RIMKLB: variants seen among roughly 807,000 people sequenced by gnomAD.
RIMKLB encodes ribosomal modification protein rimK like family member B, also known as beta-citrylglutamate synthase B.
Under a neutral mutation model 32.0 loss-of-function variants are expected in RIMKLB, and 7 were observed. The ratio of observed to expected loss-of-function variants is 0.22; its 90% confidence interval spans 0.12 to 0.41. The LOEUF (loss-of-function observed/expected upper bound fraction) is 0.41, where lower values mean the gene tolerates loss of function less well. Ranked by LOEUF, RIMKLB falls within the 10% of genes least tolerant of loss-of-function variation. The pLI, the probability that RIMKLB is intolerant of heterozygous loss-of-function variation, is 1.00. For missense variants in RIMKLB, 289 were observed against 498.7 expected (o/e 0.58, Z 4.00); for synonymous variants, 172 against 185.1 (o/e 0.93, Z 0.57).
At chr12:8,686,269 T>TC (rs1309090451) in intron 1 of RIMKLB, among the ~76,000 whole-genome samples, 1 of 136,028 alleles carries the variant, frequency 7.4e-6, no homozygotes, top group African/African-American at 2.7e-5. Flanking sequence ...TTCCCTCCCC[T>TC]CCCCTCCTCT....
intron 5 of RIMKLB, among the ~76,000 whole-genome samples, chr12:8,768,404 T>G (rs1209084456): frequency 6.6e-6 from 1 of 152,178 alleles, no homozygotes; most frequent in African/African-American, 2.4e-5. Context: ...TGTGTGCAGT[T>G]GCATGATTTA....
At chr12:8,772,785 T>C (rs1950513194) in intron 5 of RIMKLB, among the ~76,000 whole-genome samples, 1 of 152,250 alleles carries the variant, frequency 6.6e-6, no homozygotes, top group Non-Finnish European at 1.5e-5. Flanking sequence ...AAAATCAAGT[T>C]CTACTTCCTT....
chr12:8,690,496 C>T (rs755042941), intron 1 of RIMKLB, among the ~76,000 whole-genome samples: 4 of 152,178 alleles, frequency 2.6e-5, no homozygotes, highest in Non-Finnish European at 5.9e-5. Flanking sequence ...GGATTACAAA[C>T]AGTGTTTGAC....
At chr12:8,712,681 G>T (rs1944473834) in intron 1 of RIMKLB, among the ~76,000 whole-genome samples, 1 of 152,132 alleles carries the variant, frequency 6.6e-6, no homozygotes, top group Admixed American at 6.5e-5. Context: ...TGTGCTGTTG[G>T]CTCTGATGGG....
At chr12:8,761,354 G>C (rs1214165363) in intron 5 of RIMKLB, among the ~76,000 whole-genome samples, 1 of 148,876 alleles carries the variant, frequency 6.7e-6, no homozygotes, top group Non-Finnish European at 1.5e-5. Context: ...ATAGCTTACT[G>C]TTCTTTCAAA....
chr12:8,704,999 C>CACACACACACACACAAAAAAAAAA (rs35908223), intron 1 of RIMKLB, among the ~76,000 whole-genome samples: 6 of 151,540 alleles, frequency 4.0e-5, no homozygotes, highest in African/African-American at 1.5e-4. Context: ...CACACACACA[C>CACACACACACACACAAAAAAAAAA]AAAACCCCAA....
At chr12:8,701,327 T>C (rs779509870) in intron 1 of RIMKLB, among the ~76,000 whole-genome samples, 12 of 152,206 alleles carry the variant, frequency 7.9e-5, no homozygotes, top group Non-Finnish European at 1.3e-4. Flanking sequence ...TTATATGCCA[T>C]ATGTATCTGT....
intron 1 of RIMKLB, among the ~76,000 whole-genome samples, chr12:8,709,536 G>A (rs1405057404): frequency 6.6e-6 from 1 of 152,216 alleles, no homozygotes; most frequent in Non-Finnish European, 1.5e-5. Context: ...TCTCAGATGT[G>A]AATCCAGTTG....
In RIMKLB at chr12:8,775,061, A is replaced by G. The variant is rs1223322962; in HGVS notation, c.*1277A>G. ...GGTATTCACCTTAAAACATAGGGTG[A>G]GTAGATGCTTTTTTAGGCCTTTTTG... On this transcript the variant is annotated 3_prime_UTR_variant, in exon 6 of 6. Coordinates refer to ENST00000535829, the MANE Select transcript of RIMKLB (RefSeq NM_001297776.2). The G allele has an allele frequency of 1.0e-6, 1 of 985,648 alleles. No homozygotes were observed. Among genetic ancestry groups the G allele is most frequent in the Non-Finnish European group, 1.2e-6 (1 of 829,894 alleles). The allele number at this position is 985,648 out of a possible 1,614,324, so 61.1% of individuals were successfully genotyped here.
intron 5 of RIMKLB, among the ~76,000 whole-genome samples, chr12:8,771,251 C>G (rs910191320): frequency 6.6e-6 from 1 of 152,176 alleles, no homozygotes; most frequent in Admixed American, 6.5e-5. Context: ...CTTGGCCTCT[C>G]TGTGCCACAT....
At position 8,757,368 on chromosome 12, in the gene RIMKLB, AAATT is replaced by A. The variant is rs564300576; in HGVS notation, c.697+3286_697+3289del. On this transcript the variant is annotated intron_variant, in intron 5 of 5. Coordinates refer to ENST00000535829, the MANE Select transcript of RIMKLB (RefSeq NM_001297776.2). ...TGTAGAGAGACCCCATCTCTATAAA[AAATT>A]AATTAATTAAATAAGCCAGACGTGG... is the stretch of plus-strand genomic sequence containing the variant. Among the ~76,000 whole-genome samples, 167 of 151,928 alleles carry A rather than the reference AAATT, an allele frequency of 1.1e-3. 1 individual carries two copies. Among genetic ancestry groups the A allele is most frequent in the Admixed American group, 1.8e-3 (27 of 15,242 alleles).
At chr12:8,761,682 C>T (rs1949535128) in intron 5 of RIMKLB, among the ~76,000 whole-genome samples, 1 of 152,188 alleles carries the variant, frequency 6.6e-6, no homozygotes, top group African/African-American at 2.4e-5. Flanking sequence ...GCAGTCACCT[C>T]TCCCAGCTAG....
upstream of RIMKLB, among the ~76,000 whole-genome samples, chr12:8,696,775 AATTAT>A (rs1942905150): frequency 6.6e-6 from 1 of 152,150 alleles, no homozygotes; most frequent in African/African-American, 2.4e-5. Flanking sequence ...CAGAAAATGA[AATTAT>A]ATTGTCAATT....
At chr12:8,760,809 T>A (rs1949457992) in intron 5 of RIMKLB, among the ~76,000 whole-genome samples, 1 of 152,176 alleles carries the variant, frequency 6.6e-6, no homozygotes, top group East Asian at 1.9e-4. Flanking sequence ...TCTTGTAAAT[T>A]TGTTTGAGTT....
At chr12:8,701,576 T>A (rs1390009415) in intron 1 of RIMKLB, among the ~76,000 whole-genome samples, 1 of 152,072 alleles carries the variant, frequency 6.6e-6, no homozygotes, top group Non-Finnish European at 1.5e-5. Flanking sequence ...TTTTTCTAAC[T>A]TTGTTAACAA....
intron 1 of RIMKLB, among the ~76,000 whole-genome samples, chr12:8,704,307 C>G (rs1417841056): frequency 3.3e-5 from 5 of 151,730 alleles, no homozygotes; most frequent in Non-Finnish European, 7.4e-5. Flanking sequence ...CACTTGAACC[C>G]AGGAGGCGGA....
intron 1 of RIMKLB, among the ~76,000 whole-genome samples, chr12:8,703,804 C>G (rs1194007560): frequency 6.6e-6 from 1 of 152,164 alleles, no homozygotes; most frequent in Non-Finnish European, 1.5e-5. Context: ...GACCATAGCA[C>G]ACTGCAGAGG....
chr12:8,756,385 C>T (rs771515494), intron 5 of RIMKLB, among the ~76,000 whole-genome samples: 8 of 152,088 alleles, frequency 5.3e-5, no homozygotes, highest in Non-Finnish European at 8.8e-5. Context: ...GGCTACCAGG[C>T]CCCAGATTCC....
intron 1 of RIMKLB, among the ~76,000 whole-genome samples, chr12:8,710,166 T>G (rs1041732502): frequency 6.6e-6 from 1 of 151,210 alleles, no homozygotes; most frequent in African/African-American, 2.4e-5. Flanking sequence ...TTTTTTTTTG[T>G]ATTTTTAGTA....
Sources: gnomAD v4.1 joint callset for allele counts (sites outside exome capture counted in the v4.1 genomes callset) on GRCh38, gnomAD v4.1.1 for gene constraint, MANE v1.5 for transcripts, NCBI Gene and HGNC (gene_info 2026-07-23, HGNC 2026-07-21) for gene names.